CCNA2: variants seen among roughly 807,000 people sequenced by gnomAD.
CCNA2 encodes the protein cyclin-A2.
CCNA2 carries 3 observed loss-of-function variants against 49.4 expected under a neutral mutation model. The observed-to-expected ratio is 0.06, with a 90% CI of 0.03 to 0.16. The LOEUF is 0.16. Among genes scored for constraint, CCNA2 ranks in the 10% least tolerant of loss-of-function variants. The pLI is 1.00. For synonymous variants in CCNA2, 206 were observed against 197.2 expected, an observed-to-expected ratio of 1.04 and a Z score of -0.37; for missense variants, 372 against 519.7, an observed-to-expected ratio of 0.72 and a Z score of 2.76.
intron 6 of CCNA2, 53 bp from the exon 7 acceptor site, chr4:121,818,230 A>C: frequency 6.6e-7 from 1 of 1,506,526 alleles, no homozygotes; most frequent in Non-Finnish European, 9.1e-7. Context: ...TAACACACCA[A>C]ACACAGTAAA....
In CCNA2 at chr4:121,816,870, A is replaced by ATATC. The variant is rs770399867; in HGVS notation, c.*764_*767dup. The ATATC allele has an allele frequency of 3.4e-5, 52 of 1,545,554 alleles. No individual in the cohort carries two copies. In the East Asian group the frequency reaches 5.6e-4, roughly 17 times the overall value. On this transcript the variant is annotated 3_prime_UTR_variant, in exon 8 of 8. Transcript: ENST00000274026. Reference sequence around the variant, plus strand: ...GCTGCCAATTAAAGCTAACAGTTGTATATCTGTATATATAACTATTAAAAG... The same window carrying ATATC: ...GCTGCCAATTAAAGCTAACAGTTGTATATCTATCTGTATATATAACTATTAAAAG...
rs1420829408 is a variant in CCNA2, at chr4:121,823,452, C to T, written c.177G>A (p.Arg59=). Residue 59 remains arginine (R), a synonymous_variant, in exon 1 of 8, where the codon CGG becomes CGA. Coordinates refer to ENST00000274026, the MANE Select transcript of CCNA2 (RefSeq NM_001237.5). ...TCGGCCTCTGCTGCTGCGCTAGACC[C>T]CGCGGGTTCCCGGACTTCAGTACCG... ...ALAVLKSGNP[R]GLAQQQRPKT... The T allele has an allele frequency of 6.2e-7, 1 of 1,613,376 alleles. No homozygotes were observed. Among genetic ancestry groups the T allele is most frequent in the Non-Finnish European group, 8.5e-7 (1 of 1,179,818 alleles).
chr4:121,823,733 C>T lies in CCNA2; in HGVS notation c.-105G>A. 6.9e-7 allele frequency: 1 copy of T among 1,450,136 alleles called. No homozygotes were observed. Among genetic ancestry groups the T allele is most frequent in the Admixed American group, 2.5e-5 (1 of 39,892 alleles). 89.8% of individuals were successfully genotyped at this position (1,450,136 alleles called of 1,614,324 possible). On this transcript the variant is annotated 5_prime_UTR_variant, in exon 1 of 8. Coordinates refer to ENST00000274026, the MANE Select transcript of CCNA2 (RefSeq NM_001237.5). ...GACCCGGCCAAAGAATAGTCGTAGC[C>T]GCCGGTCGCAGCCCAGGCCAGCCTA...
Position 121,817,092 on chromosome 4 carries a change from G to A in CCNA2, c.*546C>T, listed in dbSNP as rs889885241. ...TCCCAACCTCTGTTGAGTTTACCTC[G>A]CAAAACCTAAACAAACAGGTTTTAC... On this transcript the variant is annotated 3_prime_UTR_variant, in exon 8 of 8. Coordinates refer to ENST00000274026, the MANE Select transcript of CCNA2 (RefSeq NM_001237.5). The A allele has an allele frequency of 7.1e-6, 3 of 424,358 alleles. No individual in the cohort carries two copies. The highest frequency in any genetic ancestry group is 4.1e-5 in the African/African-American group (2 of 48,306). The allele number at this position is 424,358 out of a possible 1,614,324, so 26.3% of individuals were successfully genotyped here. A position where few individuals can be genotyped will look rare whatever the true frequency, so the allele number is the denominator to read the frequency against.
chr4:121,816,699 A>G lies in CCNA2; in HGVS notation c.*939T>C, dbSNP rs112004858. 2.1e-5 allele frequency: 30 copies of G among 1,437,434 alleles called. No individual in the cohort carries two copies. In the African/African-American group the frequency reaches 3.9e-4, roughly 19 times the overall value. 89.0% of individuals were successfully genotyped at this position (1,437,434 alleles called of 1,614,324 possible). A position where few individuals can be genotyped will look rare whatever the true frequency, so the allele number is the denominator to read the frequency against. On this transcript the variant is annotated 3_prime_UTR_variant, in exon 8 of 8. Coordinates refer to ENST00000274026, the MANE Select transcript of CCNA2 (RefSeq NM_001237.5). The stretch of plus-strand genomic sequence containing the variant: ...CATTTTAGATCCTACTGGAAAACTA[A>G]GAAATGCCTCTTATTTCAATAATCC...
rs757266991 is a variant in CCNA2, at chr4:121,822,484, G to A, written c.376C>T (p.Leu126=). 3.0e-5 allele frequency: 49 copies of A among 1,614,014 alleles called. No homozygotes were observed. The South Asian group carries it at 4.5e-4, about 15-fold the overall frequency. The part of the protein sequence containing the change: ...ESQKIEREDA[L]AFNSAISLPG... ...AAACTAATGGCTGAATTAAAAGCCA[G>A]GGCATCTTCACGCTCTATTTTTTGA... The change falls in exon 2 of 8, where the codon CTG becomes TTG. Residue 126 remains leucine, a synonymous_variant. Coordinates refer to ENST00000274026, the MANE Select transcript of CCNA2 (RefSeq NM_001237.5).
At chr4:121,817,958 G>T in intron 7 of CCNA2, 86 bp downstream of exon 7, 1 of 1,318,432 alleles carries the variant, frequency 7.6e-7, no homozygotes, top group Non-Finnish European at 1.1e-6. Flanking sequence ...GGAGGCTATG[G>T]CAGATTCATG....
rs1034618029 is a variant in CCNA2 at position 121,817,552 on chromosome 4, T to C, written c.*86A>G. 19 of 1,520,304 alleles carry C rather than the reference T, an allele frequency of 1.2e-5. No homozygotes were observed. The highest frequency in any genetic ancestry group is 7.5e-5 in the Admixed American group (4 of 53,562). 94.2% of individuals were successfully genotyped at this position (1,520,304 alleles called of 1,614,324 possible). ...CCACAACTTCTGTATTCAGAAATGA[T>C]TGTAAAATTAAAACCTAAGTTAAAA... On this transcript the variant is annotated 3_prime_UTR_variant, in exon 8 of 8. Transcript: ENST00000274026.
chr4:121,817,721 ACACT>A (rs762146835), intron 7 of CCNA2, 35 bp from the exon 8 acceptor site: 257 of 1,612,850 alleles, frequency 1.6e-4, no homozygotes, highest in Non-Finnish European at 1.9e-4. Context: ...TTTTTAGTAA[ACACT>A]CACTGGGTAA....
In CCNA2 at chr4:121,823,446, T is replaced by C; in HGVS notation, c.183A>G (p.Leu61=). 6.2e-7 allele frequency: 1 copy of C among 1,613,352 alleles called. No individual in the cohort carries two copies. The highest frequency in any genetic ancestry group is 8.5e-7 in the Non-Finnish European group (1 of 1,179,802). The change falls in exon 1 of 8, where the codon CTA becomes CTG. Residue 61 remains leucine (L), a synonymous_variant. Coordinates refer to ENST00000274026, the MANE Select transcript of CCNA2 (RefSeq NM_001237.5). ...TCGTCTTCGGCCTCTGCTGCTGCGCTAGACCCCGCGGGTTCCCGGACTTCA... is the reference window on the plus strand; with the variant it reads ...TCGTCTTCGGCCTCTGCTGCTGCGCCAGACCCCGCGGGTTCCCGGACTTCA... ...AVLKSGNPRG[L]AQQQRPKTRR...
chr4:121,821,265 G>A (rs1387190477), intron 2 of CCNA2, among the ~76,000 whole-genome samples, 174 bp from the exon 3 acceptor site: 1 of 150,802 alleles, frequency 6.6e-6, no homozygotes, highest in Non-Finnish European at 1.5e-5. Flanking sequence ...CAGTATCTCT[G>A]TACATAGAAC....
rs1333611293 is a variant in CCNA2, at chr4:121,822,642, G to T, written c.218C>A (p.Ala73Glu). 1 of 1,610,900 alleles carries T rather than the reference G, an allele frequency of 6.2e-7. No homozygotes were observed. ...QQQRPKTRRV[A>E]PLKDLPVNDE... ...ATTTACAGGAAGATCCTTAAGGGGT[G>T]CAACCTAAAAAAAAATTAATAACTG... The change falls in exon 2 of 8, where the codon GCA (alanine) becomes GAA (glutamate). Residue 73 changes from alanine to glutamate, a missense_variant. By Grantham distance (107) the Ala-to-Glu change is moderately radical. This residue lies in a region of CCNA2 where 217 missense variants were observed against 231.7 expected (regional missense o/e 0.94). Coordinates refer to ENST00000274026, the MANE Select transcript of CCNA2 (RefSeq NM_001237.5).
At position 121,819,352 on chromosome 4, in the gene CCNA2, C is replaced by G. The variant is rs376843753; in HGVS notation, c.1002+20G>C. ...TTATTACCAAAGAATCACCATTCAA[C>G]AAAATGAAAGTTAACTCACCATTGC... On this transcript the variant is annotated intron_variant, in intron 5 of 7. Transcript: ENST00000274026. The G allele has an allele frequency of 2.5e-6, 4 of 1,589,806 alleles. No individual in the cohort carries two copies. Among genetic ancestry groups the G allele is most frequent in the East Asian group, 2.2e-5 (1 of 44,722 alleles).
chr4:121,823,382 C>A, intron 1 of CCNA2, 34 bp downstream of exon 1: 1 of 1,582,198 alleles, frequency 6.3e-7, no homozygotes, highest in Non-Finnish European at 8.6e-7. Flanking sequence ...CCCTGCTCGA[C>A]CCACCCTCCT....
chr4:121,821,008 C>G lies in CCNA2; in HGVS notation c.541G>C (p.Asp181His). 1 of 1,612,904 alleles carries G rather than the reference C, an allele frequency of 6.2e-7. No homozygotes were observed. ...SVNEVPDYHE[D>H]IHTYLREMEV... ...ATTTCCCTAAGGTATGTGTGAATAT[C>G]CTCATGGTAGTCTGGTACTTCATTA... Residue 181 changes from aspartate (D) to histidine (H), a missense_variant, in exon 3 of 8, where the codon GAT becomes CAT. This residue lies in a region of CCNA2 where 217 missense variants were observed against 231.7 expected (regional missense o/e 0.94). Transcript: ENST00000274026.
Position 121,823,445 on chromosome 4 carries a change from C to A in CCNA2, c.184G>T (p.Ala62Ser). The A allele has an allele frequency of 1.9e-6, 3 of 1,613,304 alleles. No individual in the cohort carries two copies. The highest frequency in any genetic ancestry group is 2.2e-5 in the South Asian group (2 of 90,872). ...CTCGTCTTCGGCCTCTGCTGCTGCG[C>A]TAGACCCCGCGGGTTCCCGGACTTC... ...VLKSGNPRGL[A>S]QQQRPKTRRV... is the part of the protein sequence containing the mutation. The change falls in exon 1 of 8, where the codon GCG becomes TCG. Residue 62 changes from alanine (A) to serine (S), a missense_variant. Ala to Ser is a moderately conservative substitution (Grantham distance 99, BLOSUM62 1). Transcript: ENST00000274026.
chr4:121,817,720 A>C, intron 7 of CCNA2, 34 bp from the exon 8 acceptor site: 1 of 1,612,942 alleles, frequency 6.2e-7, no homozygotes. Flanking sequence ...ATTTTTAGTA[A>C]ACACTCACTG....
At chr4:121,822,259 T>G (rs1384321983) in intron 2 of CCNA2, 144 bp downstream of exon 2, 1 of 790,902 alleles carries the variant, frequency 1.3e-6, no homozygotes. Flanking sequence ...CTGAGATAAG[T>G]CACATCCTTT....
rs1309276620 is a variant in CCNA2 at position 121,817,058 on chromosome 4, C to T, written c.*580G>A. The T allele has an allele frequency of 3.8e-6, 2 of 525,686 alleles. No individual in the cohort carries two copies. Among genetic ancestry groups the T allele is most frequent in the Non-Finnish European group, 6.5e-6 (2 of 306,560 alleles). The allele number at this position is 525,686 out of a possible 1,614,324, so 32.6% of individuals were successfully genotyped here. On this transcript the variant is annotated 3_prime_UTR_variant, in exon 8 of 8. Coordinates refer to ENST00000274026, the MANE Select transcript of CCNA2 (RefSeq NM_001237.5). ...TTAATTTGCATATAAGCTTCCCACCCTCTTCCACTCCCAACCTCTGTTGAG... is the reference window on the plus strand; with the variant it reads ...TTAATTTGCATATAAGCTTCCCACCTTCTTCCACTCCCAACCTCTGTTGAG...
Sources: gnomAD v4.1 joint callset for allele counts (sites outside exome capture counted in the v4.1 genomes callset) on GRCh38, gnomAD v4.1.1 for gene constraint, gnomAD v4.1.1 regional missense constraint, MANE v1.5 for transcripts, NCBI Gene and HGNC (gene_info 2026-07-23, HGNC 2026-07-21) for gene names.